Variants in CIMAP3 observed in about 807,000 individuals in gnomAD.
CIMAP3 encodes ciliary microtubule associated protein 3, also known as ciliary microtubule-associated protein 3.
At chr1:111,347,639 G>GGTT in the CIMAP3 span, 1 of 1,073,978 alleles carries the variant, frequency 9.3e-7, no homozygotes, top group East Asian at 2.7e-5. Flanking sequence ...TTTTTTTTTG[G>GGTT]TGTTTTTGTT....
the CIMAP3 span, among the ~76,000 whole-genome samples, chr1:111,337,335 T>A: frequency 5.9e-5 from 9 of 152,154 alleles, no homozygotes; most frequent in Non-Finnish European, 8.8e-5. Flanking sequence ...AGGATCAAAT[T>A]CACACATAAC....
the CIMAP3 span, chr1:111,350,087 C>G: frequency 1.3e-6 from 2 of 1,581,932 alleles, no homozygotes; most frequent in South Asian, 1.1e-5. Flanking sequence ...AGACATGATG[C>G]TTGTATTTTT....
At chr1:111,346,980 TTTGA>T in the CIMAP3 span, 6 of 1,614,010 alleles carry the variant, frequency 3.7e-6, no homozygotes, top group Admixed American at 3.3e-5. Flanking sequence ...ATCCCCCGAA[TTTGA>T]TTGGGAACAA....
At chr1:111,338,947 A>C in the CIMAP3 span, among the ~76,000 whole-genome samples, 1 of 152,212 alleles carries the variant, frequency 6.6e-6, no homozygotes, top group African/African-American at 2.4e-5. Context: ...TTGATGCAAA[A>C]ATCCTCAATA....
At chr1:111,350,115 A>G in the CIMAP3 span, 1 of 1,613,252 alleles carries the variant, frequency 6.2e-7, no homozygotes, top group African/African-American at 1.3e-5. Flanking sequence ...GCCCTGGTGC[A>G]TACAACCCAG....
chr1:111,347,774 T>TA, the CIMAP3 span: 1 of 1,601,430 alleles, frequency 6.2e-7, no homozygotes, highest in Non-Finnish European at 8.6e-7. Context: ...ATACAGAAGG[T>TA]AATGTGCTGG....
the CIMAP3 span, chr1:111,347,573 T>C: frequency 1.4e-6 from 1 of 715,206 alleles, no homozygotes; most frequent in Non-Finnish European, 2.4e-6. Flanking sequence ...CTAAGCTCAC[T>C]CCATTTCGAT....
the CIMAP3 span, among the ~76,000 whole-genome samples, chr1:111,338,010 T>C: frequency 6.7e-6 from 1 of 149,324 alleles, no homozygotes; most frequent in African/African-American, 2.5e-5. Context: ...CAGACCACAG[T>C]GCAATCAAAC....
chr1:111,350,055 T>A, the CIMAP3 span: 1 of 1,434,978 alleles, frequency 7.0e-7, no homozygotes, highest in East Asian at 2.3e-5. Flanking sequence ...TGATGGAGTT[T>A]GTGTATGATC....
chr1:111,339,502 C>A, the CIMAP3 span, among the ~76,000 whole-genome samples: 4,179 of 151,030 alleles, frequency 0.028, 267 homozygotes, highest in African/African-American at 0.097. Flanking sequence ...GCAACTTCAG[C>A]AAAGTCTCAG....
At chr1:111,351,526 G>A in the CIMAP3 span, 1 of 410,864 alleles carries the variant, frequency 2.4e-6, no homozygotes, top group Non-Finnish European at 4.3e-6. Context: ...GACTTGTGGT[G>A]TACACGTGCA....
chr1:111,350,236 G>A, the CIMAP3 span: 4 of 1,570,712 alleles, frequency 2.5e-6, no homozygotes, highest in African/African-American at 1.4e-5. Context: ...AATAAGATTG[G>A]AACTTCTGTA....
chr1:111,347,890 G>T, the CIMAP3 span: 1 of 727,708 alleles, frequency 1.4e-6, no homozygotes, highest in Non-Finnish European at 2.3e-6. Context: ...TTAAAGAAAA[G>T]TAGGCATTTA....
chr1:111,335,555 A>ACAC, the CIMAP3 span, among the ~76,000 whole-genome samples: 1 of 152,254 alleles, frequency 6.6e-6, no homozygotes, highest in African/African-American at 2.4e-5. Context: ...TATATCCAGC[A>ACAC]CTGGCTCAGA....
chr1:111,351,948 GATATGGCAGGAATCAAAATAAACTT>G, the CIMAP3 span: 1 of 152,192 alleles, frequency 6.6e-6, no homozygotes, highest in Non-Finnish European at 1.5e-5. Flanking sequence ...AAGCACTGGG[GATATGGCAGGAATCAAAATAAACTT>G]ATCTACTAAG....
the CIMAP3 span, chr1:111,350,195 G>A: frequency 6.2e-7 from 1 of 1,613,752 alleles, no homozygotes; most frequent in Non-Finnish European, 8.5e-7. Context: ...CAGGTTCCAT[G>A]TCTACAGAAA....
the CIMAP3 span, chr1:111,351,349 T>TG: frequency 3.9e-6 from 6 of 1,534,140 alleles, no homozygotes; most frequent in African/African-American, 7.0e-5. Context: ...TACCTTCACG[T>TG]GCTCCTCTTA....
the CIMAP3 span, among the ~76,000 whole-genome samples, chr1:111,341,784 G>A: frequency 1.1e-4 from 17 of 152,052 alleles, no homozygotes; most frequent in Admixed American, 9.2e-4. Context: ...CAGACAATTT[G>A]CATGAAGCTT....
chr1:111,334,715 A>AT, the CIMAP3 span, among the ~76,000 whole-genome samples: 1 of 152,244 alleles, frequency 6.6e-6, no homozygotes, highest in Non-Finnish European at 1.5e-5. Flanking sequence ...ATTTTTAAAA[A>AT]TTTTTAAAAT....
Sources: gnomAD v4.1 joint callset for allele counts (sites outside exome capture counted in the v4.1 genomes callset) on GRCh38, gnomAD v4.1.1 for gene constraint, MANE v1.5 for transcripts, NCBI Gene and HGNC (gene_info 2026-07-23, HGNC 2026-07-21) for gene names.